NPSR1: variants seen among roughly 807,000 people sequenced by gnomAD.
NPSR1 encodes the protein neuropeptide S receptor 1, also known as neuropeptide S receptor.
A neutral mutation model predicts 46.9 loss-of-function variants in NPSR1; 48 were observed. That is an observed-to-expected ratio of 1.02 (90% CI 0.81 to 1.30). The LOEUF (loss-of-function observed/expected upper bound fraction) is 1.30. Ranked by LOEUF, NPSR1 falls within the 50% of genes most tolerant of loss-of-function variation. The pLI is 0.00. For missense variants in NPSR1, 450 were observed against 449.5 expected (o/e 1.00, Z -0.01); for synonymous variants, 176 against 168.1 (o/e 1.05, Z -0.36).
At position 34,658,402 on chromosome 7, in the gene NPSR1, C is replaced by A. The variant is rs763147557; in HGVS notation, c.-11C>A. The A allele has an allele frequency of 2.5e-6, 4 of 1,613,294 alleles. No homozygotes were observed. The highest frequency in any genetic ancestry group is 3.4e-6 in the Non-Finnish European group (4 of 1,179,868). On this transcript the variant is annotated 5_prime_UTR_variant, in exon 1 of 9. Coordinates refer to ENST00000360581, the MANE Select transcript of NPSR1 (RefSeq NM_207172.2). ...GGAGCAAGGACAGTGAGGCTCAACC[C>A]CGCCTGAGCCATGCCAGCCAACTTC...
chr7:34,876,838 A>C (rs1476892740), intron 8 of NPSR1, among the ~76,000 whole-genome samples: 2 of 152,196 alleles, frequency 1.3e-5, no homozygotes, highest in Admixed American at 6.5e-5. Context: ...GAGCAAGGTT[A>C]GAGAGAAATG....
chr7:34,862,598 A>G (rs1791215101), intron 8 of NPSR1, among the ~76,000 whole-genome samples: 1 of 151,738 alleles, frequency 6.6e-6, no homozygotes, highest in African/African-American at 2.4e-5. Flanking sequence ...GCTTCTCTGT[A>G]GATACTTTTG....
chr7:34,692,047 T>C (rs1793290720), intron 2 of NPSR1, among the ~76,000 whole-genome samples: 1 of 152,080 alleles, frequency 6.6e-6, no homozygotes. Flanking sequence ...GGAAGGATTG[T>C]GTGAGTGCAG....
At chr7:34,825,146 C>T (rs556951971) in intron 4 of NPSR1, among the ~76,000 whole-genome samples, 22 of 152,226 alleles carry the variant, frequency 1.4e-4, no homozygotes, top group African/African-American at 4.6e-4. Flanking sequence ...ATTTTCCTAC[C>T]GTTCTAGACC....
chr7:34,751,852 T>C lies in NPSR1; in HGVS notation c.281-26610T>C, dbSNP rs888934153. 27 of 1,579,682 alleles carry C rather than the reference T, an allele frequency of 1.7e-5. No individual in the cohort carries two copies. In the South Asian group the frequency reaches 2.9e-4, roughly 17 times the overall value. On this transcript the variant is annotated intron_variant, in intron 2 of 8. Coordinates refer to ENST00000360581, the MANE Select transcript of NPSR1 (RefSeq NM_207172.2). ...GTAAATGAGGGTCACTGCCACCTCT[T>C]TGAATGGGATCCAGAGTGGGTCTGG...
chr7:34,741,006 C>T (rs1175217950), intron 2 of NPSR1, among the ~76,000 whole-genome samples: 3 of 152,170 alleles, frequency 2.0e-5, no homozygotes, highest in African/African-American at 7.2e-5. Context: ...AATATGTTAT[C>T]CCATTGCCTT....
chr7:34,820,037 T>C lies in NPSR1; in HGVS notation c.479-7364T>C, dbSNP rs188058174. ...TATACCTATGTATCCAACCTGCACA[T>C]TGTTCACATGTACAATGATAATTTA... is the stretch of plus-strand genomic sequence containing the variant. On this transcript the variant is annotated intron_variant, in intron 4 of 8. Coordinates refer to ENST00000360581, the MANE Select transcript of NPSR1 (RefSeq NM_207172.2). Among the ~76,000 whole-genome samples the C allele has an allele frequency of 2.2e-3, 340 of 152,276 alleles. 1 individual carries two copies. Among genetic ancestry groups the C allele is most frequent in the South Asian group, 5.4e-3 (26 of 4,818 alleles).
intron 2 of NPSR1, chr7:34,685,608 C>T (rs1369554743): frequency 2.4e-5 from 8 of 337,308 alleles, no homozygotes; most frequent in Non-Finnish European, 4.5e-5. Flanking sequence ...ACTGTTATCT[C>T]AGCTGTAGTA....
At chr7:34,849,312 C>G (rs952807395) in intron 8 of NPSR1, 4 of 1,527,250 alleles carry the variant, frequency 2.6e-6, no homozygotes, top group African/African-American at 2.8e-5. Flanking sequence ...GCTTCTTCAT[C>G]TGTAAAACAG....
chr7:34,750,290 G>T lies in NPSR1; in HGVS notation c.281-28172G>T. On this transcript the variant is annotated intron_variant, in intron 2 of 8. Transcript: ENST00000360581. ...GCGAGCTGATGCTCTGAGAATGGGGGTTATTTTCTTGGGTGTCCTGTCTTC... is the reference window on the plus strand; with the variant it reads ...GCGAGCTGATGCTCTGAGAATGGGGTTTATTTTCTTGGGTGTCCTGTCTTC... 13 of 692,838 alleles carry T rather than the reference G, an allele frequency of 1.9e-5. 1 individual carries two copies. The highest frequency in any genetic ancestry group is 1.8e-4 in the South Asian group (13 of 70,276). 42.9% of individuals were successfully genotyped at this position (692,838 alleles called of 1,614,324 possible). A position where few individuals can be genotyped will look rare whatever the true frequency, so the allele number is the denominator to read the frequency against.
intron 1 of NPSR1, among the ~76,000 whole-genome samples, chr7:34,682,097 C>T (rs182112293): frequency 1.3e-5 from 2 of 152,348 alleles, no homozygotes; most frequent in East Asian, 1.9e-4. Flanking sequence ...TGCAGCTGCT[C>T]ATAGCCAAGC....
intron 5 of NPSR1, among the ~76,000 whole-genome samples, chr7:34,832,271 C>A (rs1223400566): frequency 1.3e-5 from 2 of 152,212 alleles, no homozygotes; most frequent in Non-Finnish European, 2.9e-5. Context: ...TGGTGACTCA[C>A]ACCTGTAATC....
At chr7:34,747,372 T>C (rs1440662428) in intron 2 of NPSR1, among the ~76,000 whole-genome samples, 22 of 152,108 alleles carry the variant, frequency 1.4e-4, no homozygotes, top group Non-Finnish European at 1.6e-4. Context: ...GGCAGAGAGC[T>C]TGAAACAGCC....
intron 2 of NPSR1, among the ~76,000 whole-genome samples, chr7:34,728,085 T>A (rs1270416578): frequency 6.6e-6 from 1 of 151,812 alleles, no homozygotes; most frequent in African/African-American, 2.4e-5. Flanking sequence ...GTTTTTTTTA[T>A]TATTATTATA....
intron 3 of NPSR1, among the ~76,000 whole-genome samples, chr7:34,808,928 C>A (rs1391371319): frequency 3.3e-5 from 5 of 152,150 alleles, no homozygotes; most frequent in Admixed American, 3.3e-4. Flanking sequence ...ATTAAATACT[C>A]TTTTGATTGT....
intron 2 of NPSR1, among the ~76,000 whole-genome samples, chr7:34,730,288 A>G (rs1229134687): frequency 6.6e-6 from 1 of 152,234 alleles, no homozygotes; most frequent in Non-Finnish European, 1.5e-5. Flanking sequence ...TCATGTCTCC[A>G]GCACATTGAT....
intron 2 of NPSR1, among the ~76,000 whole-genome samples, chr7:34,725,440 T>C (rs959875668): frequency 1.3e-5 from 2 of 152,142 alleles, no homozygotes; most frequent in Non-Finnish European, 2.9e-5. Flanking sequence ...ACATCTACAA[T>C]TGAGGATACT....
intron 2 of NPSR1, chr7:34,751,639 A>G (rs1785535661): frequency 2.5e-6 from 4 of 1,599,426 alleles, no homozygotes; most frequent in Non-Finnish European, 2.6e-6. Context: ...CTCCAAGTGG[A>G]CCAGCTGCTG....
intron 3 of NPSR1, among the ~76,000 whole-genome samples, chr7:34,811,182 TC>T (rs373451998): frequency 7.2e-4 from 109 of 151,772 alleles, no homozygotes; most frequent in African/African-American, 2.4e-3. Context: ...CCAGGAAGAG[TC>T]AGGTCACACA....
Sources: gnomAD v4.1 joint callset for allele counts (sites outside exome capture counted in the v4.1 genomes callset) on GRCh38, gnomAD v4.1.1 for gene constraint, MANE v1.5 for transcripts, NCBI Gene and HGNC (gene_info 2026-07-23, HGNC 2026-07-21) for gene names.